The following CLINT1 variants were observed in gnomAD, a reference collection of about 807,000 sequenced individuals.
The protein encoded by CLINT1 is clathrin interactor 1, also known as clathrin interacting protein localized in the trans-Golgi region.
CLINT1 carries 15 observed loss-of-function variants against 70.4 expected under a neutral mutation model. The observed-to-expected ratio is 0.21, with a 90% CI of 0.14 to 0.33. The LOEUF (loss-of-function observed/expected upper bound fraction) is 0.33, where lower values mean the gene tolerates loss of function less well. CLINT1 is among the 10% of genes least tolerant of loss of function. The probability of loss-of-function intolerance (pLI) is 1.00; values close to 1 mark genes in which losing one functional copy is unlikely to be tolerated. For missense variants in CLINT1, 615 were observed against 778.1 expected (o/e 0.79, Z 2.49); for synonymous variants, 227 against 254.7 (o/e 0.89, Z 1.04).
At chr5:157,856,450 C>T (rs1345287336) in intron 1 of CLINT1, among the ~76,000 whole-genome samples, 1 of 152,216 alleles carries the variant, frequency 6.6e-6, no homozygotes, top group Non-Finnish European at 1.5e-5. Flanking sequence ...TAGAAGCCCT[C>T]ATTCTATTGA....
chr5:157,816,540 A>G (rs2113216119), intron 3 of CLINT1, among the ~76,000 whole-genome samples, 194 bp downstream of exon 3: 1 of 152,320 alleles, frequency 6.6e-6, no homozygotes, highest in African/African-American at 2.4e-5. Flanking sequence ...TATTATTAAG[A>G]ATTTCTCATT....
Position 157,787,796 on chromosome 5 carries a change from C to G in CLINT1, c.1728G>C (p.Met576Ile). ...LGNTPMMNQS[M>I]MGMNMNIGMS... ...TCCCTATGTTCATGTTCATGCCCAT[C>G]ATGCTCTGGTTCATCATCGGAGTAT... is the stretch of plus-strand genomic sequence containing the variant. The change falls in exon 12 of 12, where the codon ATG becomes ATC. Residue 576 changes from methionine to isoleucine, a missense_variant. This residue lies in a region of CLINT1 where 374 missense variants were observed against 409.6 expected (regional missense o/e 0.91). Coordinates refer to ENST00000411809, the MANE Select transcript of CLINT1 (RefSeq NM_014666.4). The G allele has an allele frequency of 6.2e-7, 1 of 1,614,014 alleles. No homozygotes were observed. Among genetic ancestry groups the G allele is most frequent in the Non-Finnish European group, 8.5e-7 (1 of 1,179,880 alleles).
At chr5:157,791,456 T>A (rs1196323257) in intron 10 of CLINT1, among the ~76,000 whole-genome samples, 3 of 152,258 alleles carry the variant, frequency 2.0e-5, no homozygotes, top group Non-Finnish European at 1.5e-5. Flanking sequence ...AAAGGCACCA[T>A]GCTTGGCTTT....
chr5:157,810,163 C>T (rs1297949819), intron 5 of CLINT1, among the ~76,000 whole-genome samples: 2 of 152,176 alleles, frequency 1.3e-5, no homozygotes, highest in African/African-American at 4.8e-5. Context: ...TCACAAAAGA[C>T]ACTTAATATG....
rs1761849356 is a variant in CLINT1, at chr5:157,789,893, T to C, written c.1381-380A>G. 3 of 252,060 alleles carry C rather than the reference T, an allele frequency of 1.2e-5. 1 individual carries two copies. In the South Asian group the frequency reaches 1.6e-4, roughly 13 times the overall value. The allele number at this position is 252,060 out of a possible 1,614,324, so 15.6% of individuals were successfully genotyped here. A position where few individuals can be genotyped will look rare whatever the true frequency, so the allele number is the denominator to read the frequency against. ...CTTTAAGGAGATACACAAGTGGACA[T>C]TTATTCTTTCAAAACAGAATTCAGA... On this transcript the variant is annotated intron_variant, in intron 10 of 11. Transcript: ENST00000411809.
intron 1 of CLINT1, among the ~76,000 whole-genome samples, chr5:157,842,061 A>G (rs1753198928): frequency 6.6e-6 from 1 of 152,252 alleles, no homozygotes; most frequent in South Asian, 2.1e-4. Context: ...CATGAACATT[A>G]TAAGCTTTTA....
At chr5:157,838,736 A>C (rs906990374) in intron 1 of CLINT1, among the ~76,000 whole-genome samples, 2 of 152,202 alleles carry the variant, frequency 1.3e-5, no homozygotes, top group African/African-American at 4.8e-5. Flanking sequence ...TGTAACAAGA[A>C]ATATTGTTAG....
Position 157,814,728 on chromosome 5 carries a change from G to A in CLINT1, c.244-435C>T, listed in dbSNP as rs1762661580. On this transcript the variant is annotated intron_variant, in intron 3 of 11. Transcript: ENST00000411809. ...ATTTAATTTTGAGGTTAATTATGTG[G>A]CTTTTGTTTTAAAAGGTTGTGGCCA... Among the ~76,000 whole-genome samples, 4 of 152,156 alleles carry A rather than the reference G, an allele frequency of 2.6e-5. No individual in the cohort carries two copies. In the South Asian group the frequency reaches 6.2e-4, roughly 24 times the overall value.
intron 1 of CLINT1, among the ~76,000 whole-genome samples, chr5:157,834,866 A>C (rs1763367816): frequency 6.6e-6 from 1 of 152,196 alleles, no homozygotes; most frequent in Non-Finnish European, 1.5e-5. Context: ...ATATATTGTC[A>C]GTTTTAAAAA....
chr5:157,804,929 C>CG, intron 7 of CLINT1, among the ~76,000 whole-genome samples: 1 of 101,460 alleles, frequency 9.9e-6, no homozygotes, highest in South Asian at 3.2e-4. Flanking sequence ...CTCGGTCTTC[C>CG]AAAAAAAGAA....
intron 1 of CLINT1, among the ~76,000 whole-genome samples, chr5:157,823,548 T>C (rs1243781030): frequency 2.6e-5 from 4 of 152,130 alleles, no homozygotes; most frequent in Non-Finnish European, 5.9e-5. Flanking sequence ...CAGAGAACAA[T>C]TTAAGTACCC....
Position 157,787,467 on chromosome 5 carries a change from G to T in CLINT1, c.*179C>A. The T allele has an allele frequency of 1.6e-6, 1 of 626,370 alleles. No individual in the cohort carries two copies. Among genetic ancestry groups the T allele is most frequent in the Non-Finnish European group, 2.8e-6 (1 of 362,026 alleles). The allele number at this position is 626,370 out of a possible 1,614,324, so 38.8% of individuals were successfully genotyped here. On this transcript the variant is annotated 3_prime_UTR_variant, in exon 12 of 12. Coordinates refer to ENST00000411809, the MANE Select transcript of CLINT1 (RefSeq NM_014666.4). Reference sequence around the variant, plus strand: ...TGACTGCCTCATCTGAAGTGCTCTTGCCTGGCCCTCTGAAATACTGGATAT... The same window carrying T: ...TGACTGCCTCATCTGAAGTGCTCTTTCCTGGCCCTCTGAAATACTGGATAT...
chr5:157,804,201 T>C (rs1762317023), intron 7 of CLINT1, among the ~76,000 whole-genome samples: 1 of 152,086 alleles, frequency 6.6e-6, no homozygotes, highest in Non-Finnish European at 1.5e-5. Flanking sequence ...GGATTAGAGG[T>C]CAAGATCCTA....
At chr5:157,829,738 C>T (rs1310445491) in intron 1 of CLINT1, among the ~76,000 whole-genome samples, 2 of 125,162 alleles carry the variant, frequency 1.6e-5, no homozygotes, top group African/African-American at 6.1e-5. Context: ...GACAGGGTTT[C>T]GTCATGTTGC....
intron 1 of CLINT1, among the ~76,000 whole-genome samples, chr5:157,817,766 T>C (rs933319008): frequency 2.0e-5 from 3 of 152,076 alleles, no homozygotes; most frequent in African/African-American, 4.8e-5. Context: ...CCTTCAAGAA[T>C]ACAGATGAGA....
chr5:157,820,204 T>C (rs1458380780), intron 1 of CLINT1, among the ~76,000 whole-genome samples: 8 of 152,196 alleles, frequency 5.3e-5, no homozygotes, highest in African/African-American at 1.9e-4. Flanking sequence ...TCCCCAGCAC[T>C]TTGGGAGGAT....
intron 1 of CLINT1, among the ~76,000 whole-genome samples, chr5:157,837,425 C>T (rs1284656163): frequency 6.6e-6 from 1 of 152,028 alleles, no homozygotes; most frequent in African/African-American, 2.4e-5. Context: ...CACACACACA[C>T]ACACACACAC....
chr5:157,825,751 A>T (rs1346324236), intron 1 of CLINT1, among the ~76,000 whole-genome samples: 2 of 152,124 alleles, frequency 1.3e-5, no homozygotes, highest in African/African-American at 4.8e-5. Flanking sequence ...AAAATTAAGG[A>T]CTGTATTCTT....
Position 157,787,419 on chromosome 5 carries a change from T to C in CLINT1, c.*227A>G, listed in dbSNP as rs146832675. On this transcript the variant is annotated 3_prime_UTR_variant, in exon 12 of 12. Coordinates refer to ENST00000411809, the MANE Select transcript of CLINT1 (RefSeq NM_014666.4). Reference sequence around the variant, plus strand: ...GGTCTCACCACCCACTTGTGGTCTATCCTCACTGGAAAAAAATGATTTTGA... The same window carrying C: ...GGTCTCACCACCCACTTGTGGTCTACCCTCACTGGAAAAAAATGATTTTGA... The C allele has an allele frequency of 3.6e-4, 204 of 572,902 alleles. 1 individual carries two copies. Among genetic ancestry groups the C allele is most frequent in the African/African-American group, 3.4e-3 (182 of 53,398 alleles). The allele number at this position is 572,902 out of a possible 1,614,324, so 35.5% of individuals were successfully genotyped here.
Sources: allele counts gnomAD v4.1 joint callset (sites outside exome capture counted in the v4.1 genomes callset), GRCh38; gene constraint gnomAD v4.1.1; regional missense constraint gnomAD v4.1.1; transcripts MANE v1.5; gene names NCBI Gene and HGNC (gene_info 2026-07-23, HGNC 2026-07-21).